Variants in CIAPIN1 observed in about 807,000 individuals in gnomAD.
CIAPIN1 encodes cytokine induced apoptosis inhibitor 1.
Under a neutral mutation model 34.3 loss-of-function variants are expected in CIAPIN1, and 18 were observed. The ratio of observed to expected loss-of-function variants is 0.52; its 90% CI spans 0.36 to 0.78. The LOEUF is 0.78. Ranked by LOEUF, CIAPIN1 falls within the 30% of genes least tolerant of loss-of-function variation. The probability of loss-of-function intolerance (pLI) is 0.00; values close to 1 mark genes in which losing one functional copy is unlikely to be tolerated. For synonymous variants in CIAPIN1, 131 were observed against 140.4 expected (o/e 0.93, Z 0.47); for missense variants, 310 against 372.5 (o/e 0.83, Z 1.38).
intron 1 of CIAPIN1, among the ~76,000 whole-genome samples, chr16:57,443,552 C>T (rs960562840): frequency 2.0e-5 from 3 of 152,154 alleles, no homozygotes; most frequent in Non-Finnish European, 4.4e-5. Flanking sequence ...CCGCCTTCAG[C>T]GTTCAAGCAA....
chr16:57,440,604 T>C (rs1261110650), intron 2 of CIAPIN1, among the ~76,000 whole-genome samples, 168 bp downstream of exon 2: 1 of 152,122 alleles, frequency 6.6e-6, no homozygotes, highest in African/African-American at 2.4e-5. Context: ...CGTTGAATTA[T>C]TGGGGGTGGT....
In CIAPIN1 at chr16:57,439,270, C is replaced by A; in HGVS notation, c.222G>T (p.Leu74=). Residue 74 remains leucine, a synonymous_variant, in exon 3 of 9, where the codon CTG becomes CTT. Coordinates refer to ENST00000394391, the MANE Select transcript of CIAPIN1 (RefSeq NM_020313.4). The stretch of plus-strand genomic sequence containing the variant: ...TTTCAGCCAAAATCTCAGCACTGTG[C>A]AGAGTGGTGCTTCCTGGGACTAAAC... ...LSGLVPGSTT[L]HSAEILAEIA... 6.2e-7 allele frequency: 1 copy of A among 1,614,192 alleles called. No individual in the cohort carries two copies. Among genetic ancestry groups the A allele is most frequent in the African/African-American group, 1.3e-5 (1 of 75,052 alleles).
At chr16:57,435,177 C>T (rs1598024281) in intron 4 of CIAPIN1, among the ~76,000 whole-genome samples, 1 of 152,144 alleles carries the variant, frequency 6.6e-6, no homozygotes, top group East Asian at 1.9e-4. Flanking sequence ...TAAAGTATGG[C>T]ACCTTCCCCA....
rs1289213316 is a variant in CIAPIN1, at chr16:57,440,757, TG to T, written c.157+14del. 1 of 1,603,784 alleles carries T rather than the reference TG, an allele frequency of 6.2e-7. No individual in the cohort carries two copies. The highest frequency in any genetic ancestry group is 2.2e-5 in the East Asian group (1 of 44,654). ...CCCCTCCAGCCTCATAAAGACAACG[TG>T]GGTGGGTACTTACATTGCAACAGCT... On this transcript the variant is annotated intron_variant, in intron 2 of 8. Coordinates refer to ENST00000394391, the MANE Select transcript of CIAPIN1 (RefSeq NM_020313.4).
chr16:57,432,455 A>C, intron 6 of CIAPIN1, 32 bp downstream of exon 6: 1 of 1,607,460 alleles, frequency 6.2e-7, no homozygotes, highest in Admixed American at 1.7e-5. Context: ...GGCCTGAAAG[A>C]AAGCAATCAA....
chr16:57,446,142 A>AT (rs1329473723), intron 1 of CIAPIN1, among the ~76,000 whole-genome samples: 4 of 152,036 alleles, frequency 2.6e-5, no homozygotes, highest in Admixed American at 6.6e-5. Context: ...CTGGCCCAGA[A>AT]TTTTTTTTAA....
At chr16:57,429,592 C>T (rs923255321) in intron 8 of CIAPIN1, among the ~76,000 whole-genome samples, 4 of 151,152 alleles carry the variant, frequency 2.6e-5, no homozygotes, top group Admixed American at 6.6e-5. Flanking sequence ...CCTGGGTTCC[C>T]GCCATTCTCC....
At position 57,439,235 on chromosome 16, in the gene CIAPIN1, A is replaced by G; in HGVS notation, c.257T>C (p.Ile86Thr). Reference protein sequence around the residue: ...SAEILAEIARILRPGGCLFLK... With the variant: ...SAEILAEIARTLRPGGCLFLK... ...AAAAAGACATCCACCAGGCCGAAGG[A>G]TCCGGGCGATTTCAGCCAAAATCTC... Residue 86 changes from isoleucine (I) to threonine (T), a missense_variant, in exon 3 of 9, where the codon ATC (isoleucine) becomes ACC (threonine). Ile to Thr is a moderately conservative substitution (Grantham distance 89, BLOSUM62 -1). Coordinates refer to ENST00000394391, the MANE Select transcript of CIAPIN1 (RefSeq NM_020313.4). 6.2e-7 allele frequency: 1 copy of G among 1,614,176 alleles called. No individual in the cohort carries two copies. Among genetic ancestry groups the G allele is most frequent in the Non-Finnish European group, 8.5e-7 (1 of 1,180,036 alleles).
At chr16:57,433,487 C>T (rs1903132177) in intron 5 of CIAPIN1, among the ~76,000 whole-genome samples, 1 of 152,058 alleles carries the variant, frequency 6.6e-6, no homozygotes. Flanking sequence ...TCAATTCAGG[C>T]ATTTAAAAAT....
At chr16:57,436,586 GT>G in intron 4 of CIAPIN1, 69 bp downstream of exon 4, 1 of 1,179,616 alleles carries the variant, frequency 8.5e-7, no homozygotes, top group Non-Finnish European at 1.3e-6. Context: ...AGCATTTCTT[GT>G]TTCCTAGTTC....
At chr16:57,434,362 T>G in intron 4 of CIAPIN1, 150 bp from the exon 5 acceptor site, 1 of 693,878 alleles carries the variant, frequency 1.4e-6, no homozygotes, top group Non-Finnish European at 2.5e-6. Context: ...TCACATTCAG[T>G]TTCTCACTGA....
chr16:57,442,375 T>A (rs1356938991), intron 1 of CIAPIN1, among the ~76,000 whole-genome samples: 1 of 151,284 alleles, frequency 6.6e-6, no homozygotes, highest in Non-Finnish European at 1.5e-5. Flanking sequence ...AAATAAAAAA[T>A]TATAGCTGGG....
rs776483709 is a variant in CIAPIN1 at position 57,432,576 on chromosome 16, A to G, written c.557-16T>C. The G allele has an allele frequency of 8.7e-6, 14 of 1,608,650 alleles. 1 individual carries two copies. The South Asian group carries it at 1.5e-4, about 18-fold the overall frequency. Reference sequence around the variant, plus strand: ...GCAGGTTTCACTGAGTCCAAGCAATAAAAGAAAAAACTCCATAAACACAGT... The same window carrying G: ...GCAGGTTTCACTGAGTCCAAGCAATGAAAGAAAAAACTCCATAAACACAGT... On this transcript the variant is annotated splice_polypyrimidine_tract_variant and intron_variant, in intron 5 of 8. Transcript: ENST00000394391.
chr16:57,444,095 A>C (rs1300616356), intron 1 of CIAPIN1, among the ~76,000 whole-genome samples: 1 of 152,218 alleles, frequency 6.6e-6, no homozygotes, highest in East Asian at 1.9e-4. Flanking sequence ...TATTAGCTAG[A>C]GAAAACAAGC....
intron 5 of CIAPIN1, among the ~76,000 whole-genome samples, chr16:57,433,096 T>G (rs1471823498): frequency 6.6e-6 from 1 of 152,134 alleles, no homozygotes; most frequent in African/African-American, 2.4e-5. Flanking sequence ...CATGTAAACC[T>G]GCTACATACA....
At chr16:57,432,655 A>G in intron 5 of CIAPIN1, 95 bp from the exon 6 acceptor site, 2 of 1,154,994 alleles carry the variant, frequency 1.7e-6, no homozygotes, top group Non-Finnish European at 2.5e-6. Flanking sequence ...GTAGAAGAGA[A>G]CACACTGGCC....
intron 8 of CIAPIN1, among the ~76,000 whole-genome samples, chr16:57,429,515 G>A (rs1414964010): frequency 2.6e-5 from 4 of 151,730 alleles, no homozygotes; most frequent in Non-Finnish European, 4.4e-5. Context: ...TTTTTGAGAT[G>A]GAGTCTCCCT....
At chr16:57,446,051 G>A (rs1213822543) in intron 1 of CIAPIN1, among the ~76,000 whole-genome samples, 1 of 152,014 alleles carries the variant, frequency 6.6e-6, no homozygotes, top group Non-Finnish European at 1.5e-5. Context: ...TCGCCATGTT[G>A]CCCAGGCTGG....
chr16:57,441,094 T>C, intron 1 of CIAPIN1, 111 bp from the exon 2 acceptor site: 1 of 629,308 alleles, frequency 1.6e-6, no homozygotes, highest in Non-Finnish European at 2.7e-6. Flanking sequence ...TTAGAAACTC[T>C]ACTGTATATG....
Sources: allele counts gnomAD v4.1 joint callset (sites outside exome capture counted in the v4.1 genomes callset), GRCh38; gene constraint gnomAD v4.1.1; transcripts MANE v1.5; gene names NCBI Gene and HGNC (gene_info 2026-07-23, HGNC 2026-07-21).